Variants in GPM6B observed in about 807,000 individuals in gnomAD.
The protein encoded by GPM6B is glycoprotein M6B.
In GPM6B, 4 loss-of-function variants were observed where a neutral mutation model predicts 27.2. That is an observed-to-expected ratio of 0.15 (90% confidence interval 0.07 to 0.34). The LOEUF (loss-of-function observed/expected upper bound fraction) is 0.34, where lower values mean the gene tolerates loss of function less well. GPM6B is among the 10% of genes least tolerant of loss of function. The pLI is 1.00. For missense variants in GPM6B, 183 were observed against 261.9 expected (o/e 0.70, Z 2.08); for synonymous variants, 124 against 103.1 (o/e 1.20, Z -1.23).
intron 1 of GPM6B, among the ~76,000 whole-genome samples, chrX:13,880,675 CAA>C (rs57849359): frequency 1.7e-4 from 8 of 46,592 alleles, no homozygotes; most frequent in Non-Finnish European, 2.0e-4. Flanking sequence ...GGCTCCATCT[CAA>C]AAAAAAAAAA....
At chrX:13,905,123 C>T (rs1311236068) in intron 1 of GPM6B, among the ~76,000 whole-genome samples, 2 of 105,219 alleles carry the variant, frequency 1.9e-5, no homozygotes, top group Non-Finnish European at 3.9e-5. Flanking sequence ...CCCAGCTACT[C>T]GAGAGACTAA....
At chrX:13,779,190 T>C (rs942968428) in intron 5 of GPM6B, among the ~76,000 whole-genome samples, 1 of 111,974 alleles carries the variant, frequency 8.9e-6, no homozygotes, top group African/African-American at 3.3e-5. Context: ...GAGGAGCCAG[T>C]GGTCTCTTCT....
At chrX:13,922,345 C>T (rs1603141951) in intron 1 of GPM6B, among the ~76,000 whole-genome samples, 1 of 111,756 alleles carries the variant, frequency 8.9e-6, no homozygotes, top group South Asian at 3.8e-4. Context: ...ACATTGCCAA[C>T]TGTCCCTTGA....
chrX:13,823,520 G>GTT (rs201574507), intron 1 of GPM6B, among the ~76,000 whole-genome samples: 37 of 95,983 alleles, frequency 3.9e-4, no homozygotes, highest in South Asian at 3.4e-3. Flanking sequence ...ACTGAACCTG[G>GTT]TTTTTTTTTT....
intron 1 of GPM6B, among the ~76,000 whole-genome samples, chrX:13,826,331 C>A (rs2049371958): frequency 9.0e-6 from 1 of 110,505 alleles, no homozygotes; most frequent in African/African-American, 3.3e-5. Flanking sequence ...GAATGGGCCC[C>A]AACATGACAG....
chrX:13,937,314 T>C (rs1921886687), intron 1 of GPM6B, among the ~76,000 whole-genome samples: 1 of 111,800 alleles, frequency 8.9e-6, no homozygotes, highest in Admixed American at 9.5e-5. Context: ...TCCTTTGAAA[T>C]GCAAAAAAGT....
At chrX:13,865,330 C>T (rs73453296) in intron 1 of GPM6B, among the ~76,000 whole-genome samples, 18,603 of 108,070 alleles carry the variant, frequency 0.17, 1,218 homozygotes, top group East Asian at 0.32. Context: ...CATGCACATG[C>T]GGGCACTTTG....
chrX:13,917,841 C>T (rs774419140), intron 1 of GPM6B, among the ~76,000 whole-genome samples: 2 of 112,431 alleles, frequency 1.8e-5, no homozygotes, highest in Admixed American at 1.9e-4. Flanking sequence ...TTCCTAATTG[C>T]ATTAAACTAT....
intron 2 of GPM6B, among the ~76,000 whole-genome samples, chrX:13,791,619 A>G (rs190244224): frequency 5.4e-4 from 59 of 108,504 alleles, no homozygotes; most frequent in African/African-American, 1.6e-3. Flanking sequence ...TGTAGTAGGG[A>G]AAAAAAAAAT....
At chrX:13,816,428 C>T (rs753399854) in intron 1 of GPM6B, among the ~76,000 whole-genome samples, 1 of 111,360 alleles carries the variant, frequency 9.0e-6, no homozygotes, top group African/African-American at 3.3e-5. Context: ...ACAGCATTAG[C>T]GGAACCAAAG....
At chrX:13,790,117 G>A (rs753260548) in intron 2 of GPM6B, among the ~76,000 whole-genome samples, 1 of 112,238 alleles carries the variant, frequency 8.9e-6, no homozygotes, top group South Asian at 3.7e-4. Flanking sequence ...GCCTCCCAAA[G>A]TGCTGCAATT....
At chrX:13,785,461 T>A (rs1031136515) in intron 3 of GPM6B, among the ~76,000 whole-genome samples, 161 bp downstream of exon 3, 57 of 111,040 alleles carry the variant, frequency 5.1e-4, no homozygotes, top group Non-Finnish European at 7.5e-4. Context: ...TTTTTTTTTG[T>A]ATTTTTAGTA....
rs6633425 is a variant in GPM6B at position 13,920,289 on chromosome X, G to T, written c.-198+18038C>A. Among the ~76,000 whole-genome samples, 8 of 69,894 alleles carry T rather than the reference G, an allele frequency of 1.1e-4. No individual in the cohort carries two copies. The South Asian group carries it at 5.7e-3, about 50-fold the overall frequency. 60.7% of individuals were successfully genotyped at this position (69,894 alleles called of 115,157 possible). On this transcript the variant is annotated intron_variant, in intron 1 of 6. Transcript: ENST00000398361. ...CTCAAAAAAAAAAAAAAAAAAAAAA[G>T]AAAGAAAGAAAGAAAAAAAAAGAAA...
At chrX:13,781,969 G>A (rs979226500) in intron 4 of GPM6B, among the ~76,000 whole-genome samples, 3 of 111,707 alleles carry the variant, frequency 2.7e-5, no homozygotes, top group South Asian at 3.8e-4. Flanking sequence ...CTTCCCTAGC[G>A]GGCAGATCTC....
intron 1 of GPM6B, among the ~76,000 whole-genome samples, chrX:13,864,702 C>T (rs1021925450): frequency 1.9e-4 from 21 of 111,755 alleles, no homozygotes; most frequent in African/African-American, 5.9e-4. Flanking sequence ...GGGCATCACC[C>T]TTCCCACATA....
In GPM6B at chrX:13,780,793, G is replaced by T. The variant is rs149688563; in HGVS notation, c.526-804C>A. The T allele has an allele frequency of 4.4e-3, 752 of 171,300 alleles. 4 individuals are homozygous for T. Among genetic ancestry groups the T allele is most frequent in the African/African-American group, 0.022 (714 of 31,748 alleles). The allele number at this position is 171,300 out of a possible 1,213,427, so 14.1% of individuals were successfully genotyped here. On this transcript the variant is annotated intron_variant, in intron 4 of 7. Transcript: ENST00000316715. ...TTTGTGAGGCGGCCTCAAAAACGTG[G>T]TATTTGTGTTCTCAGAAGGCGCGCC... is the stretch of plus-strand genomic sequence containing the variant.
intron 1 of GPM6B, among the ~76,000 whole-genome samples, chrX:13,844,910 A>C (rs2049625309): frequency 8.9e-6 from 1 of 111,915 alleles, no homozygotes; most frequent in Non-Finnish European, 1.9e-5. Context: ...GCTGGGATTT[A>C]TCTTGCCTCT....
chrX:13,790,990 G>A (rs1389371624), intron 2 of GPM6B, among the ~76,000 whole-genome samples: 1 of 111,700 alleles, frequency 9.0e-6, no homozygotes, highest in African/African-American at 3.3e-5. Flanking sequence ...TAGGGGTGGT[G>A]CCAAGTACCA....
intron 1 of GPM6B, among the ~76,000 whole-genome samples, chrX:13,832,712 G>A (rs1281336792): frequency 1.8e-5 from 2 of 111,944 alleles, no homozygotes; most frequent in Non-Finnish European, 3.8e-5. Flanking sequence ...GAAATTAGAA[G>A]TAGGATGAAG....
Sources: allele counts gnomAD v4.1 joint callset (sites outside exome capture counted in the v4.1 genomes callset), GRCh38; gene constraint gnomAD v4.1.1; transcripts MANE v1.5; gene names NCBI Gene and HGNC (gene_info 2026-07-23, HGNC 2026-07-21).